The following FBN1 variants were observed in gnomAD, a reference collection of about 807,000 sequenced individuals.
FBN1 encodes the protein fibrillin 1.
In FBN1, 29 loss-of-function variants were observed where a neutral mutation model predicts 365.1. The ratio of observed to expected loss-of-function variants is 0.08; its 90% CI spans 0.06 to 0.11. FBN1 has a LOEUF of 0.11. Ranked by LOEUF, FBN1 falls within the 10% of genes least tolerant of loss-of-function variation. The pLI is 1.00. For missense variants in FBN1, 2,476 were observed against 3,703.2 expected (o/e 0.67, Z 8.60); for synonymous variants, 1,210 against 1,270.5 (o/e 0.95, Z 1.01).
At chr15:48,551,000 G>A (rs1302504246) in intron 6 of FBN1, among the ~76,000 whole-genome samples, 1 of 143,514 alleles carries the variant, frequency 7.0e-6, no homozygotes, top group Non-Finnish European at 1.6e-5. Context: ...AATGGAGGAT[G>A]CAAAATGACA....
intron 8 of FBN1, chr15:48,529,206 T>C (rs2043945653): frequency 6.6e-6 from 1 of 152,268 alleles, no homozygotes; most frequent in Non-Finnish European, 1.5e-5. Context: ...GCTCTGGACA[T>C]TTCTCCCTGC....
At chr15:48,580,357 C>T (rs1431730607) in intron 6 of FBN1, among the ~76,000 whole-genome samples, 3 of 152,142 alleles carry the variant, frequency 2.0e-5, no homozygotes, top group Admixed American at 6.5e-5. Flanking sequence ...ATCAAGCAAT[C>T]GATCAATCAG....
At chr15:48,557,817 T>G (rs2044193355) in intron 6 of FBN1, among the ~76,000 whole-genome samples, 2 of 152,162 alleles carry the variant, frequency 1.3e-5, no homozygotes, top group African/African-American at 4.8e-5. Context: ...TTGATATGCT[T>G]GCATTTGCAA....
At chr15:48,609,648 A>G (rs2044642112) in intron 4 of FBN1, among the ~76,000 whole-genome samples, 1 of 152,188 alleles carries the variant, frequency 6.6e-6, no homozygotes, top group Non-Finnish European at 1.5e-5. Context: ...TTGTTGGTTA[A>G]AAGTCTGCTT....
At chr15:48,461,361 A>C (rs1315523540) in intron 42 of FBN1, among the ~76,000 whole-genome samples, 1 of 152,206 alleles carries the variant, frequency 6.6e-6, no homozygotes. Flanking sequence ...GTTAGTCTAC[A>C]TTAAGGGTTT....
chr15:48,425,305 CA>C (rs1221490101), intron 60 of FBN1, 63 bp downstream of exon 60: 4 of 1,612,002 alleles, frequency 2.5e-6, no homozygotes, highest in Non-Finnish European at 3.4e-6. Flanking sequence ...GGAGTTCTTA[CA>C]GGCAAAGGAA....
chr15:48,538,046 T>C, intron 6 of FBN1, among the ~76,000 whole-genome samples: 1 of 152,176 alleles, frequency 6.6e-6, no homozygotes. Flanking sequence ...AAAACGGCAT[T>C]GTGAGGATCA....
rs587782943 is a variant in FBN1, at chr15:48,515,465, G to C, written c.1390C>G (p.Arg464Gly). ...QLVRYLCQNGRCIPTPGSYRC... is the reference protein window; with the variant it reads ...QLVRYLCQNGGCIPTPGSYRC... Reference sequence around the variant, plus strand: ...TAACTCCCAGGAGTTGGAATGCAGCGTCCATTTTGACAGAGATAGCGGACC... The same window carrying C: ...TAACTCCCAGGAGTTGGAATGCAGCCTCCATTTTGACAGAGATAGCGGACC... Residue 464 changes from arginine to glycine, a missense_variant, in exon 12 of 66, where the codon CGC (arginine) becomes GGC (glycine). This residue lies in a region of FBN1 where 421 missense variants were observed against 520.1 expected (regional missense o/e 0.81). Coordinates refer to ENST00000316623, the MANE Select transcript of FBN1 (RefSeq NM_000138.5). 6.2e-7 allele frequency: 1 copy of C among 1,613,996 alleles called. No individual in the cohort carries two copies.
chr15:48,504,867 C>T (rs554314884), intron 16 of FBN1, among the ~76,000 whole-genome samples, 158 bp downstream of exon 16: 1 of 152,296 alleles, frequency 6.6e-6, no homozygotes, highest in East Asian at 1.9e-4. Context: ...AATTAATGTT[C>T]AATTTACACA....
Position 48,515,375 on chromosome 15 carries a change from T to C in FBN1, c.1468+12A>G. On this transcript the variant is annotated intron_variant, in intron 12 of 65. Transcript: ENST00000316623. ...ACAGACCCTTGGTGCCAACCTAGGA[T>C]GGATCACGTACCAATACACTCCCCA... 8 of 1,613,858 alleles carry C rather than the reference T, an allele frequency of 5.0e-6. No individual in the cohort carries two copies. Among genetic ancestry groups the C allele is most frequent in the Non-Finnish European group, 6.8e-6 (8 of 1,179,824 alleles).
intron 32 of FBN1, among the ~76,000 whole-genome samples, chr15:48,477,415 T>C (rs2043429114): frequency 6.6e-6 from 1 of 152,214 alleles, no homozygotes; most frequent in Non-Finnish European, 1.5e-5. Context: ...ACTATTTGTA[T>C]AAGTTATTAT....
intron 4 of FBN1, among the ~76,000 whole-genome samples, chr15:48,601,037 A>G (rs2044561791): frequency 1.3e-5 from 2 of 152,250 alleles, no homozygotes; most frequent in Admixed American, 1.3e-4. Flanking sequence ...GCCTGACGAC[A>G]GGGACAGCTG....
intron 7 of FBN1, 142 bp downstream of exon 7, chr15:48,537,469 C>T (rs2044022273): frequency 1.0e-6 from 1 of 965,086 alleles, no homozygotes. Context: ...TTCCTAATGC[C>T]TTAGTTGGAT....
intron 6 of FBN1, among the ~76,000 whole-genome samples, chr15:48,577,680 G>A (rs889091450): frequency 2.0e-5 from 3 of 152,078 alleles, no homozygotes; most frequent in East Asian, 1.9e-4. Context: ...TCATTGCCCC[G>A]CCTTCCCTGA....
Position 48,448,778 on chromosome 15 carries a change from G to T in FBN1, c.5661C>A (p.Thr1887=). The T allele has an allele frequency of 1.2e-6, 2 of 1,612,642 alleles. No homozygotes were observed. The highest frequency in any genetic ancestry group is 2.2e-5 in the South Asian group (2 of 91,032). The change falls in exon 46 of 66, where the codon ACC becomes ACA. Residue 1887 remains threonine, a synonymous_variant. Coordinates refer to ENST00000316623, the MANE Select transcript of FBN1 (RefSeq NM_000138.5). The part of the protein sequence containing the change: ...HTGFKTNDDQ[T]MCLDINECER... Reference sequence around the variant, plus strand: ...TAATTGCATACTTACCCAAGCACATGGTTTGGTCATCATTTGTTTTAAAAC... The same window carrying T: ...TAATTGCATACTTACCCAAGCACATTGTTTGGTCATCATTTGTTTTAAAAC...
intron 9 of FBN1, among the ~76,000 whole-genome samples, chr15:48,521,031 C>T (rs904103965): frequency 6.6e-6 from 1 of 152,156 alleles, no homozygotes; most frequent in African/African-American, 2.4e-5. Context: ...TGTGCTAGTG[C>T]ACTTGGCTGA....
rs1327690480 is a variant in FBN1 at position 48,645,274 on chromosome 15, T to TGAACGCCCC, written c.-182+292_-182+300dup. Among the ~76,000 whole-genome samples, 6 of 152,096 alleles carry TGAACGCCCC rather than the reference T, an allele frequency of 3.9e-5. No homozygotes were observed. The East Asian group carries it at 1.2e-3, about 29-fold the overall frequency. ...CACGAATTGCGCGCGATGCGCGCTC[T>TGAACGCCCC]GAACGCCCCACTCCTCAGCCTGCCC... On this transcript the variant is annotated intron_variant, in intron 1 of 65. Coordinates refer to ENST00000316623, the MANE Select transcript of FBN1 (RefSeq NM_000138.5).
intron 6 of FBN1, among the ~76,000 whole-genome samples, chr15:48,539,003 A>T (rs1435073051): frequency 6.6e-6 from 1 of 152,230 alleles, no homozygotes; most frequent in Non-Finnish European, 1.5e-5. Flanking sequence ...CTATTTACTA[A>T]GGAAAAAAGG....
At chr15:48,520,986 G>A (rs1428600357) in intron 9 of FBN1, among the ~76,000 whole-genome samples, 169 bp from the exon 10 acceptor site, 1 of 152,218 alleles carries the variant, frequency 6.6e-6, no homozygotes, top group Non-Finnish European at 1.5e-5. Flanking sequence ...ACAGTGCTCA[G>A]TCAGAAATCC....
Sources: allele counts gnomAD v4.1 joint callset (sites outside exome capture counted in the v4.1 genomes callset), GRCh38; gene constraint gnomAD v4.1.1; regional missense constraint gnomAD v4.1.1; transcripts MANE v1.5; gene names NCBI Gene and HGNC (gene_info 2026-07-23, HGNC 2026-07-21).